Variants in ZNF710 observed in about 807,000 individuals in gnomAD.
ZNF710 encodes zinc finger protein 710.
A neutral mutation model predicts 50.6 loss-of-function variants in ZNF710; 13 were observed. That is an observed-to-expected ratio of 0.26 (90% CI 0.17 to 0.41). ZNF710 has a LOEUF of 0.41. Among genes scored for constraint, ZNF710 ranks in the 10% least tolerant of loss-of-function variants. The pLI is 1.00. For missense variants in ZNF710, 721 were observed against 936.6 expected (o/e 0.77, Z 3.01); for synonymous variants, 383 against 397.0 (o/e 0.96, Z 0.42).
In ZNF710 at chr15:90,079,824, C is replaced by G. The variant is rs1241949801; in HGVS notation, c.1990C>G (p.Leu664Val). 1 of 1,591,546 alleles carries G rather than the reference C, an allele frequency of 6.3e-7. No individual in the cohort carries two copies. Among genetic ancestry groups the G allele is most frequent in the Non-Finnish European group, 8.5e-7 (1 of 1,171,382 alleles). ...AMKEMAYYNV[L>V] Reference sequence around the variant, plus strand: ...GAAAGAGATGGCCTACTACAATGTGCTATAGCGCAAGCTGGGCCACCCCTA... The same window carrying G: ...GAAAGAGATGGCCTACTACAATGTGGTATAGCGCAAGCTGGGCCACCCCTA... The change falls in exon 5 of 5, where the codon CTA becomes GTA. Residue 664 changes from leucine (L) to valine (V), a missense_variant. Transcript: ENST00000268154.
rs546246846 is a variant in ZNF710 at position 90,033,835 on chromosome 15, G to GT, written c.-29+32222dup. ...GCCTTCTGAGTCCTGCCTGGCCTGG[G>GT]TATGGAAACGTGGGCGCTACCAGCT... On this transcript the variant is annotated intron_variant, in intron 1 of 4. Coordinates refer to ENST00000268154, the MANE Select transcript of ZNF710 (RefSeq NM_198526.4). Among the ~76,000 whole-genome samples the GT allele has an allele frequency of 8.0e-4, 122 of 152,318 alleles. No homozygotes were observed. In the South Asian group the frequency reaches 0.02, roughly 25 times the overall value.
chr15:90,054,696 C>A (rs903996564), intron 1 of ZNF710, among the ~76,000 whole-genome samples: 6 of 152,242 alleles, frequency 3.9e-5, no homozygotes, highest in South Asian at 2.1e-4. Context: ...TCTTTGTCCC[C>A]TTGAACTTGT....
At chr15:90,020,492 C>T (rs1029516981) in intron 1 of ZNF710, among the ~76,000 whole-genome samples, 3 of 151,470 alleles carry the variant, frequency 2.0e-5, no homozygotes, top group African/African-American at 4.9e-5. Context: ...CTCCCCGCCC[C>T]CGGGGAGACA....
At chr15:90,058,734 C>CAG (rs1899912107) in intron 1 of ZNF710, among the ~76,000 whole-genome samples, 1 of 142,922 alleles carries the variant, frequency 7.0e-6, no homozygotes, top group African/African-American at 3.0e-5. Flanking sequence ...CATATACACA[C>CAG]ACACGTACAC....
intron 2 of ZNF710, among the ~76,000 whole-genome samples, chr15:90,072,630 T>A (rs1900427901): frequency 6.6e-6 from 1 of 151,992 alleles, no homozygotes; most frequent in African/African-American, 2.4e-5. Flanking sequence ...GATGAAATAG[T>A]CCACAGACAG....
At chr15:90,073,308 T>A in intron 3 of ZNF710, 46 bp downstream of exon 3, 1 of 1,585,006 alleles carries the variant, frequency 6.3e-7, no homozygotes, top group Non-Finnish European at 8.6e-7. Context: ...CCGAGGGTGG[T>A]CTGGAATCAG....
intron 1 of ZNF710, among the ~76,000 whole-genome samples, chr15:90,045,810 C>T (rs1417558100): frequency 6.6e-6 from 1 of 152,076 alleles, no homozygotes; most frequent in Non-Finnish European, 1.5e-5. Flanking sequence ...GGCTGTGGTG[C>T]ATGAAAGCTT....
At chr15:90,021,896 A>C (rs1420715076) in intron 1 of ZNF710, among the ~76,000 whole-genome samples, 4 of 152,170 alleles carry the variant, frequency 2.6e-5, no homozygotes. Context: ...GACCAGGTGA[A>C]CATAGCAAAA....
At chr15:90,050,798 G>T (rs1474696239) in intron 1 of ZNF710, among the ~76,000 whole-genome samples, 1 of 151,454 alleles carries the variant, frequency 6.6e-6, no homozygotes, top group Non-Finnish European at 1.5e-5. Context: ...TTTATTTACT[G>T]CTTATTTCCT....
intron 4 of ZNF710, chr15:90,074,660 G>A (rs1047790659): frequency 2.1e-6 from 1 of 470,658 alleles, no homozygotes; most frequent in Non-Finnish European, 3.5e-6. Flanking sequence ...GATAGCTCAT[G>A]CAAGATGACA....
intron 1 of ZNF710, among the ~76,000 whole-genome samples, chr15:90,053,831 G>A (rs975097759): frequency 6.6e-5 from 10 of 152,080 alleles, no homozygotes; most frequent in Non-Finnish European, 1.0e-4. Flanking sequence ...TCCCACCCGT[G>A]TGTTTTCCTC....
chr15:90,063,945 A>G (rs1900090371), intron 1 of ZNF710, among the ~76,000 whole-genome samples: 3 of 152,162 alleles, frequency 2.0e-5, no homozygotes. Context: ...CCCCCCATAG[A>G]GATGAGAATC....
intron 1 of ZNF710, among the ~76,000 whole-genome samples, chr15:90,002,289 C>T (rs966633590): frequency 6.6e-6 from 1 of 151,538 alleles, no homozygotes; most frequent in Admixed American, 6.6e-5. Flanking sequence ...GGGCCACTGG[C>T]CGCCGCACGC....
rs1434456281 is a variant in ZNF710 at position 90,073,135 on chromosome 15, G to T, written c.1523G>T (p.Arg508Leu). ...TTCACCCTACAGGCGAACATGAAGC[G>T]GCACATGCTGATCCACACCAGCGTC... ...REFTLQANMK[R>L]HMLIHTSVRP... is the part of the protein sequence containing the mutation. Residue 508 changes from arginine to leucine, a missense_variant, in exon 3 of 5, where the codon CGG becomes CTG. By Grantham distance (102) the Arg-to-Leu change is moderately radical. Around this residue, in one of 3 missense-constraint regions of ZNF710, gnomAD observed 326 missense variants for 522.0 expected, o/e 0.62. Coordinates refer to ENST00000268154, the MANE Select transcript of ZNF710 (RefSeq NM_198526.4). 6.2e-7 allele frequency: 1 copy of T among 1,614,074 alleles called. No individual in the cohort carries two copies. Among genetic ancestry groups the T allele is most frequent in the African/African-American group, 1.3e-5 (1 of 75,014 alleles).
chr15:90,077,480 A>G (rs4405528), intron 4 of ZNF710, among the ~76,000 whole-genome samples: 74,088 of 151,654 alleles, frequency 0.49, 19,331 homozygotes, highest in East Asian at 0.83. Context: ...TCCTGACCTC[A>G]TGATCTGCCT....
chr15:90,050,012 C>T (rs967481294), intron 1 of ZNF710, among the ~76,000 whole-genome samples: 5 of 152,352 alleles, frequency 3.3e-5, no homozygotes, highest in African/African-American at 4.8e-5. Context: ...TGGCTTTGCG[C>T]GCTGCTCCTG....
At chr15:90,042,289 C>G (rs1209343317) in intron 1 of ZNF710, among the ~76,000 whole-genome samples, 1 of 152,034 alleles carries the variant, frequency 6.6e-6, no homozygotes, top group Non-Finnish European at 1.5e-5. Flanking sequence ...AGCGAAATAA[C>G]AGCCTTTTCC....
At chr15:90,073,715 A>G (rs1035497068) in intron 3 of ZNF710, among the ~76,000 whole-genome samples, 3 of 152,132 alleles carry the variant, frequency 2.0e-5, no homozygotes, top group Non-Finnish European at 2.9e-5. Flanking sequence ...TGGGCCAGGC[A>G]TGGTGGTGCA....
In ZNF710 at chr15:90,055,886, A is replaced by G. The variant is rs557068491; in HGVS notation, c.-28-11224A>G. 3.1e-3 allele frequency among the ~76,000 whole-genome samples: 470 copies of G among 150,218 alleles called. 3 individuals are homozygous for G. Among genetic ancestry groups the G allele is most frequent in the African/African-American group, 0.01 (411 of 40,706 alleles). On this transcript the variant is annotated intron_variant, in intron 1 of 4. Coordinates refer to ENST00000268154, the MANE Select transcript of ZNF710 (RefSeq NM_198526.4). The stretch of plus-strand genomic sequence containing the variant: ...TCCCAGCACTTTGGGAGGCCGAGGC[A>G]GGTGGATCACCTGAGGTCAGGAGTT...
Sources: gnomAD v4.1 joint callset for allele counts (sites outside exome capture counted in the v4.1 genomes callset) on GRCh38, gnomAD v4.1.1 for gene constraint, gnomAD v4.1.1 regional missense constraint, MANE v1.5 for transcripts, NCBI Gene and HGNC (gene_info 2026-07-23, HGNC 2026-07-21) for gene names.